The following PRR36 variants were observed in gnomAD, a reference collection of about 807,000 sequenced individuals.
PRR36 encodes the protein proline-rich protein 36.
Under a neutral mutation model 58.6 loss-of-function variants are expected in PRR36, and 30 were observed. The observed-to-expected ratio is 0.51, with a 90% CI of 0.38 to 0.69. PRR36 has a LOEUF of 0.69. PRR36 is among the 30% of genes least tolerant of loss of function. The pLI is 0.00. For synonymous variants in PRR36, 771 were observed against 829.3 expected, an observed-to-expected ratio of 0.93 and a Z score of 1.21; for missense variants, 1,692 against 1,805.6, an observed-to-expected ratio of 0.94 and a Z score of 1.14.
Position 7,872,286 on chromosome 19 carries a change from G to C in PRR36, c.958C>G (p.Pro320Ala), listed in dbSNP as rs1365345562. Residue 320 changes from proline to alanine, a missense_variant, in exon 5 of 6, where the codon CCC becomes GCC. By Grantham distance (27) the Pro-to-Ala change is conservative. Coordinates refer to ENST00000618550, the MANE Select transcript of PRR36 (RefSeq NM_001190467.2). The surrounding 1 kb of genome is among the most constrained non-coding windows in gnomAD (Gnocchi z 6.1). Reference sequence around the variant, plus strand: ...GGCAGGGGAGTGGCTGCATTGTCGGGAGGCGGTACGGGTCTTGCCTTGGTA... The same window carrying C: ...GGCAGGGGAGTGGCTGCATTGTCGGCAGGCGGTACGGGTCTTGCCTTGGTA... Reference protein sequence around the residue: ...SGTKARPVPPPDNAATPLPAT... With the variant: ...SGTKARPVPPADNAATPLPAT... 10 of 1,457,310 alleles carry C rather than the reference G, an allele frequency of 6.9e-6. No individual in the cohort carries two copies. In the East Asian group the frequency reaches 2.5e-4, roughly 36 times the overall value. The allele number at this position is 1,457,310 out of a possible 1,614,324, so 90.3% of individuals were successfully genotyped here. A position where few individuals can be genotyped will look rare whatever the true frequency, so the allele number is the denominator to read the frequency against.
rs1162147086 is a variant in PRR36, at chr19:7,869,322, GC to G, written c.3751del (p.Ala1251ArgfsTer11). On this transcript the variant is annotated frameshift_variant, in exon 6 of 6. Coordinates refer to ENST00000618550, the MANE Select transcript of PRR36 (RefSeq NM_001190467.2). LOFTEE classifies it high-confidence loss of function. ...QARLGELPLG[A>X]LQASVVQHLL... ...GTGCTGCACGACGCTCGCCTGCAGC[GC>G]CCCCAGTGGCAGCTCGCCCAGGCGC... The G allele has an allele frequency of 2.8e-6, 4 of 1,426,518 alleles. No homozygotes were observed. The highest frequency in any genetic ancestry group is 3.1e-5 in the Admixed American group (1 of 32,562). The allele number at this position is 1,426,518 out of a possible 1,614,324, so 88.4% of individuals were successfully genotyped here.
Position 7,873,508 on chromosome 19 carries a change from C to A in PRR36, c.182G>T (p.Arg61Leu), listed in dbSNP as rs1227709008. The A allele has an allele frequency of 2.0e-6, 3 of 1,535,378 alleles. No homozygotes were observed. Among genetic ancestry groups the A allele is most frequent in the Admixed American group, 2.0e-5 (1 of 50,968 alleles). Residue 61 changes from arginine to leucine, a missense_variant, in exon 2 of 6, where the codon CGA (arginine) becomes CTA (leucine). Arg to Leu is a moderately radical substitution (Grantham distance 102, BLOSUM62 -2). Around this residue, in one of 5 missense-constraint regions of PRR36, gnomAD observed 975 missense variants for 955.2 expected, o/e 1.02. Transcript: ENST00000618550. This position sits in a 1 kb window ranked among gnomAD's most constrained non-coding sequence, Gnocchi z 5.0. ...AGTGGCCCCGCCGATGCCCCCCGCT[C>A]GCTCTGCCAGAGGCTTTCGCCCCAC... ...GAVGRKPLAERAGGIGGATIP... is the reference protein window; with the variant it reads ...GAVGRKPLAELAGGIGGATIP...
chr19:7,872,153 C>G lies in PRR36; in HGVS notation c.1091G>C (p.Cys364Ser). The change falls in exon 5 of 6, where the codon TGT becomes TCT. Residue 364 changes from cysteine to serine, a missense_variant. Cys to Ser is a moderately radical substitution (Grantham distance 112). Transcript: ENST00000618550. This position sits in a 1 kb window ranked among gnomAD's most constrained non-coding sequence, Gnocchi z 6.1. ...PATPHSSSLT[C>S]QLATPLPLAP... Reference sequence around the variant, plus strand: ...TAGAGGAAGGGGCGTGGCCAACTGACAGGTAAGGCTCGACGAGTGGGGCGT... The same window carrying G: ...TAGAGGAAGGGGCGTGGCCAACTGAGAGGTAAGGCTCGACGAGTGGGGCGT... 6.8e-7 allele frequency: 1 copy of G among 1,464,510 alleles called. No homozygotes were observed. Among genetic ancestry groups the G allele is most frequent in the Non-Finnish European group, 9.0e-7 (1 of 1,111,406 alleles). 90.7% of individuals were successfully genotyped at this position (1,464,510 alleles called of 1,614,324 possible). A position where few individuals can be genotyped will look rare whatever the true frequency, so the allele number is the denominator to read the frequency against.
At chr19:7,869,606 C>A in intron 5 of PRR36, 62 bp from the exon 6 acceptor site, 1 of 1,486,004 alleles carries the variant, frequency 6.7e-7, no homozygotes, top group Non-Finnish European at 8.9e-7. Context: ...CCTCAAGGTC[C>A]CGCCTCCTTG....
Position 7,869,698 on chromosome 19 carries a change from T to C in PRR36, c.3529+17A>G, listed in dbSNP as rs894467181. 2 of 1,362,498 alleles carry C rather than the reference T, an allele frequency of 1.5e-6. No individual in the cohort carries two copies. Among genetic ancestry groups the C allele is most frequent in the East Asian group, 6.2e-5 (2 of 32,294 alleles). 84.4% of individuals were successfully genotyped at this position (1,362,498 alleles called of 1,614,324 possible). On this transcript the variant is annotated intron_variant, in intron 5 of 5. Coordinates refer to ENST00000618550, the MANE Select transcript of PRR36 (RefSeq NM_001190467.2). ...CGACCCCGCCCACAGCCAGGCCGGG[T>C]CTGGGGTGCCCCTTACCTGGGGCTC...
In PRR36 at chr19:7,872,724, G is replaced by C; in HGVS notation, c.520C>G (p.Pro174Ala). ...GCCCGGGACCGACGGGCCATGGCCG[G>C]GGACGGGGTTCCTGGGGTAGGCCCG... ...TSGPTPGTPSPAMARRSRAAG... is the reference protein window; with the variant it reads ...TSGPTPGTPSAAMARRSRAAG... The change falls in exon 5 of 6, where the codon CCG (proline) becomes GCG (alanine). Residue 174 changes from proline (P) to alanine (A), a missense_variant. Pro to Ala is a conservative substitution (Grantham distance 27). Transcript: ENST00000618550. This position sits in a 1 kb window ranked among gnomAD's most constrained non-coding sequence, Gnocchi z 6.1. The C allele has an allele frequency of 6.9e-7, 1 of 1,448,670 alleles. No homozygotes were observed. The highest frequency in any genetic ancestry group is 9.0e-7 in the Non-Finnish European group (1 of 1,105,152). 89.7% of individuals were successfully genotyped at this position (1,448,670 alleles called of 1,614,324 possible).
rs1741010925 is a variant in PRR36, at chr19:7,874,283, CACCTCCGCCTCCG to C, written c.-18_-8+2del. 1 of 152,162 alleles carries C rather than the reference CACCTCCGCCTCCG, an allele frequency of 6.6e-6. No homozygotes were observed. Among genetic ancestry groups the C allele is most frequent in the Non-Finnish European group, 1.5e-5 (1 of 68,072 alleles). 9.4% of individuals were successfully genotyped at this position (152,162 alleles called of 1,614,324 possible). A position where few individuals can be genotyped will look rare whatever the true frequency, so the allele number is the denominator to read the frequency against. Reference sequence around the variant, plus strand: ...CCTCTCCACCTGCTCGCGTCGCGCTCACCTCCGCCTCCGGCCTCCGGCCGCTCCTCACAGAGTC... The same window carrying C: ...CCTCTCCACCTGCTCGCGTCGCGCTCGCCTCCGGCCGCTCCTCACAGAGTC... On this transcript the variant is annotated splice_donor_variant and 5_prime_UTR_variant, in exon 1 of 6. Transcript: ENST00000618550. LOFTEE classifies it low-confidence loss of function (5UTR_SPLICE). This position sits in a 1 kb window ranked among gnomAD's most constrained non-coding sequence, Gnocchi z 6.0.
rs750926405 is a variant in PRR36, at chr19:7,872,063, G to C, written c.1181C>G (p.Pro394Arg). The change falls in exon 5 of 6, where the codon CCC becomes CGC. Residue 394 changes from proline (P) to arginine (R), a missense_variant. Coordinates refer to ENST00000618550, the MANE Select transcript of PRR36 (RefSeq NM_001190467.2). The surrounding 1 kb of genome is among the most constrained non-coding windows in gnomAD (Gnocchi z 6.1). The stretch of plus-strand genomic sequence containing the variant: ...CAGCTGTGTGGGTGGAACTTGCGAG[G>C]GGGGCGTGGCTGGTGGAGAGGGGAG... ...QTLPSPPATP[P>R]SQVPPTQLIM... is the part of the protein sequence containing the mutation. The C allele has an allele frequency of 9.8e-6, 15 of 1,535,444 alleles. No individual in the cohort carries two copies. The highest frequency in any genetic ancestry group is 9.5e-5 in the South Asian group (8 of 84,046).
chr19:7,869,140 G>A lies in PRR36; in HGVS notation c.3934C>T (p.Leu1312=). The A allele has an allele frequency of 6.5e-7, 1 of 1,535,410 alleles. No individual in the cohort carries two copies. Among genetic ancestry groups the A allele is most frequent in the Middle Eastern group, 1.7e-4 (1 of 5,986 alleles). ...LGRWAELLSP[L]DESRASITSV... The stretch of plus-strand genomic sequence containing the variant: ...GTGATGCTGGCACGGGACTCGTCCA[G>A]GGGAGACAGTAGTTCGGCCCAGCGG... Residue 1312 remains leucine, a synonymous_variant, in exon 6 of 6, where the codon CTG becomes TTG. Transcript: ENST00000618550.
rs1980553616 is a variant in PRR36 at position 7,873,349 on chromosome 19, G to A, written c.272-50C>T. ...GGTGCCCCGGAGAGGTGGCAGTGGA[G>A]GTGAGACTGGACAGGTATTGGAAGG... is the stretch of plus-strand genomic sequence containing the variant. On this transcript the variant is annotated intron_variant, in intron 2 of 5. Transcript: ENST00000618550. This position sits in a 1 kb window ranked among gnomAD's most constrained non-coding sequence, Gnocchi z 5.0. 1 of 1,520,484 alleles carries A rather than the reference G, an allele frequency of 6.6e-7. No individual in the cohort carries two copies. Among genetic ancestry groups the A allele is most frequent in the Non-Finnish European group, 8.8e-7 (1 of 1,137,792 alleles). 94.2% of individuals were successfully genotyped at this position (1,520,484 alleles called of 1,614,324 possible).
Position 7,870,969 on chromosome 19 carries a change from TCTCC to T in PRR36, c.2271_2274del (p.Glu758ThrfsTer5). 5.9e-6 allele frequency: 6 copies of T among 1,014,928 alleles called. No individual in the cohort carries two copies. Among genetic ancestry groups the T allele is most frequent in the Non-Finnish European group, 4.0e-6 (3 of 748,158 alleles). The allele number at this position is 1,014,928 out of a possible 1,614,324, so 62.9% of individuals were successfully genotyped here. A position where few individuals can be genotyped will look rare whatever the true frequency, so the allele number is the denominator to read the frequency against. On this transcript the variant is annotated frameshift_variant, in exon 5 of 6. Transcript: ENST00000618550. LOFTEE classifies it high-confidence loss of function. Reference sequence around the variant, plus strand: ...GGAGGCGGGGCTAGAGAAGGTAGGTTCTCCAGAGGGGGTGTGGTCAGGGGAGCAG... The same window carrying T: ...GGAGGCGGGGCTAGAGAAGGTAGGTTAGAGGGGGTGTGGTCAGGGGAGCAG...
Position 7,870,343 on chromosome 19 carries a change from G to A in PRR36, c.2901C>T (p.Pro967=), listed in dbSNP as rs1980341862. The A allele has an allele frequency of 1.3e-5, 13 of 1,024,668 alleles. No individual in the cohort carries two copies. Among genetic ancestry groups the A allele is most frequent in the Admixed American group, 5.6e-5 (1 of 17,932 alleles). 63.5% of individuals were successfully genotyped at this position (1,024,668 alleles called of 1,614,324 possible). ...LQVPPSPPAS[P]PMSPSATPPP... ...GGGGCGTGGCCGAAGGAGACATTGG[G>A]GGAGAGGCAGGGGGAGAGGGTGGGA... Residue 967 remains proline, a synonymous_variant, in exon 5 of 6, where the codon CCC becomes CCT. Coordinates refer to ENST00000618550, the MANE Select transcript of PRR36 (RefSeq NM_001190467.2).
rs921491779 is a variant in PRR36, at chr19:7,873,163, G to T, written c.374+34C>A. 4 of 1,524,354 alleles carry T rather than the reference G, an allele frequency of 2.6e-6. No individual in the cohort carries two copies. Among genetic ancestry groups the T allele is most frequent in the Non-Finnish European group, 3.5e-6 (4 of 1,136,304 alleles). 94.4% of individuals were successfully genotyped at this position (1,524,354 alleles called of 1,614,324 possible). ...TTCCAGACTCTGTGACGCTAACCCT[G>T]GCTTAGGAGACTGGGGGAGAGGGAG... On this transcript the variant is annotated intron_variant, in intron 3 of 5. Coordinates refer to ENST00000618550, the MANE Select transcript of PRR36 (RefSeq NM_001190467.2). The surrounding 1 kb of genome is among the most constrained non-coding windows in gnomAD (Gnocchi z 5.0).
intron 5 of PRR36, 29 bp from the exon 6 acceptor site, chr19:7,869,573 G>T (rs1273081429): frequency 5.9e-6 from 9 of 1,512,726 alleles, no homozygotes; most frequent in Non-Finnish European, 7.0e-6. Context: ...GGTGGGCCGT[G>T]GGGGTGATAA....
Position 7,869,327 on chromosome 19 carries a change from C to A in PRR36, c.3747G>T (p.Leu1249=). 12 of 1,428,092 alleles carry A rather than the reference C, an allele frequency of 8.4e-6. No homozygotes were observed. Among genetic ancestry groups the A allele is most frequent in the Non-Finnish European group, 1.8e-6 (2 of 1,099,722 alleles). The allele number at this position is 1,428,092 out of a possible 1,614,324, so 88.5% of individuals were successfully genotyped here. A position where few individuals can be genotyped will look rare whatever the true frequency, so the allele number is the denominator to read the frequency against. Residue 1249 remains leucine, a synonymous_variant, in exon 6 of 6, where the codon CTG becomes CTT. Coordinates refer to ENST00000618550, the MANE Select transcript of PRR36 (RefSeq NM_001190467.2). ...GCACGACGCTCGCCTGCAGCGCCCC[C>A]AGTGGCAGCTCGCCCAGGCGCGCCT... is the stretch of plus-strand genomic sequence containing the variant. The part of the protein sequence containing the change: ...PKQARLGELP[L]GALQASVVQH...
rs1252553879 is a variant in PRR36 at position 7,871,170 on chromosome 19, A to C, written c.2074T>G (p.Ser692Ala). 2 of 1,533,290 alleles carry C rather than the reference A, an allele frequency of 1.3e-6. No homozygotes were observed. The highest frequency in any genetic ancestry group is 2.8e-5 in the African/African-American group (2 of 72,028). 95.0% of individuals were successfully genotyped at this position (1,533,290 alleles called of 1,614,324 possible). ...TGAGGAGAGTGGGAGGCCAGAGAAG[A>C]TAGCGCCTGCAGAGGGTGTATGGTC... is the stretch of plus-strand genomic sequence containing the variant. Reference protein sequence around the residue: ...PLTIHPLQALSSLASHSPQAP... With the variant: ...PLTIHPLQALASLASHSPQAP... The change falls in exon 5 of 6, where the codon TCT becomes GCT. Residue 692 changes from serine (S) to alanine (A), a missense_variant. By Grantham distance (99) the Ser-to-Ala change is moderately conservative. This residue lies in a region of PRR36 where 975 missense variants were observed against 955.2 expected (regional missense o/e 1.02). Transcript: ENST00000618550.
chr19:7,870,170 G>A lies in PRR36; in HGVS notation c.3074C>T (p.Pro1025Leu). 7.0e-7 allele frequency: 1 copy of A among 1,430,186 alleles called. No individual in the cohort carries two copies. The highest frequency in any genetic ancestry group is 9.1e-7 in the Non-Finnish European group (1 of 1,098,090). The allele number at this position is 1,430,186 out of a possible 1,614,324, so 88.6% of individuals were successfully genotyped here. Residue 1025 changes from proline to leucine, a missense_variant, in exon 5 of 6, where the codon CCG becomes CTG. By Grantham distance (98) the Pro-to-Leu change is moderately conservative. Coordinates refer to ENST00000618550, the MANE Select transcript of PRR36 (RefSeq NM_001190467.2). ...GGCCTGCCCAGGGAATGAGGCAGGC[G>A]GAGAGGGAAGGGCCTGCAGAGGAGG... Reference protein sequence around the residue: ...ATPPLQALPSPPASFPGQAPF... With the variant: ...ATPPLQALPSLPASFPGQAPF...
rs930829832 is a variant in PRR36 at position 7,872,064 on chromosome 19, G to C, written c.1180C>G (p.Pro394Ala). Reference protein sequence around the residue: ...QTLPSPPATPPSQVPPTQLIM... With the variant: ...QTLPSPPATPASQVPPTQLIM... ...AGCTGTGTGGGTGGAACTTGCGAGG[G>C]GGGCGTGGCTGGTGGAGAGGGGAGG... The change falls in exon 5 of 6, where the codon CCC becomes GCC. Residue 394 changes from proline (P) to alanine (A), a missense_variant. Pro to Ala is a conservative substitution (Grantham distance 27). Coordinates refer to ENST00000618550, the MANE Select transcript of PRR36 (RefSeq NM_001190467.2). The surrounding 1 kb of genome is among the most constrained non-coding windows in gnomAD (Gnocchi z 6.1). 61 of 1,535,840 alleles carry C rather than the reference G, an allele frequency of 4.0e-5. No homozygotes were observed. The African/African-American group carries it at 7.9e-4, about 20-fold the overall frequency.
chr19:7,871,629 T>G lies in PRR36; in HGVS notation c.1615A>C (p.Thr539Pro). 3 of 1,534,330 alleles carry G rather than the reference T, an allele frequency of 2.0e-6. No individual in the cohort carries two copies. Among genetic ancestry groups the G allele is most frequent in the Non-Finnish European group, 2.6e-6 (3 of 1,146,488 alleles). The stretch of plus-strand genomic sequence containing the variant: ...GGAGGATCCTGCAGAGAGACTGTGG[T>G]CAAAGGAGAGGGAGAGGCCTGCAGA... ...LPLQASPSPL[T>P]TVSLQDPPLV... The change falls in exon 5 of 6, where the codon ACC (threonine) becomes CCC (proline). Residue 539 changes from threonine (T) to proline (P), a missense_variant. By Grantham distance (38) the Thr-to-Pro change is conservative (BLOSUM62 -1). Coordinates refer to ENST00000618550, the MANE Select transcript of PRR36 (RefSeq NM_001190467.2).
Sources: allele counts gnomAD v4.1 joint callset, GRCh38; gene constraint gnomAD v4.1.1; regional missense constraint gnomAD v4.1.1; non-coding constraint Gnocchi (gnomAD v3.1); transcripts MANE v1.5; gene names NCBI Gene and HGNC (gene_info 2026-07-23, HGNC 2026-07-21).